SLC1A2: variants seen among roughly 807,000 people sequenced by gnomAD.
The protein encoded by SLC1A2 is excitatory amino acid transporter 2.
A neutral mutation model predicts 48.8 loss-of-function variants in SLC1A2; 15 were observed. The observed-to-expected ratio is 0.31, with a 90% CI of 0.21 to 0.47. The LOEUF (loss-of-function observed/expected upper bound fraction) is 0.47, where lower values mean the gene tolerates loss of function less well. Among genes scored for constraint, SLC1A2 ranks in the 20% least tolerant of loss-of-function variants. The pLI, the probability that SLC1A2 is intolerant of heterozygous loss-of-function variation, is 0.99. For synonymous variants in SLC1A2, 279 were observed against 272.6 expected (o/e 1.02, Z -0.23); for missense variants, 502 against 730.5 (o/e 0.69, Z 3.61).
intron 1 of SLC1A2, chr11:35,391,612 G>A (rs1437064336): frequency 6.6e-6 from 1 of 152,236 alleles, no homozygotes; most frequent in African/African-American, 2.4e-5. Flanking sequence ...AACCAGTCTA[G>A]AAGGAAATGG....
At chr11:35,356,557 A>G (rs1193482754) in intron 1 of SLC1A2, among the ~76,000 whole-genome samples, 3 of 152,226 alleles carry the variant, frequency 2.0e-5, no homozygotes, top group Non-Finnish European at 4.4e-5. Flanking sequence ...CCTACTTTTG[A>G]TCAAGAATAT....
intron 1 of SLC1A2, among the ~76,000 whole-genome samples, chr11:35,414,563 A>G (rs1329693036): frequency 6.6e-6 from 1 of 152,194 alleles, no homozygotes; most frequent in Non-Finnish European, 1.5e-5. Context: ...GAGCAAGCTC[A>G]TGATCGTGGT....
intron 5 of SLC1A2, among the ~76,000 whole-genome samples, chr11:35,305,286 C>A (rs999039871): frequency 2.6e-5 from 4 of 152,232 alleles, no homozygotes; most frequent in Non-Finnish European, 5.9e-5. Flanking sequence ...ATAATGATCA[C>A]AGCTCATACG....
intron 8 of SLC1A2, chr11:35,286,475 C>T (rs1232608201): frequency 1.3e-5 from 3 of 236,688 alleles, no homozygotes; most frequent in Admixed American, 5.4e-5. Flanking sequence ...ATTAAATGGG[C>T]AAAGAAATTA....
chr11:35,323,329 G>C (rs1009104985), intron 1 of SLC1A2: 1 of 157,322 alleles, frequency 6.4e-6, no homozygotes, highest in African/African-American at 2.4e-5. Flanking sequence ...TGTGTCAGGG[G>C]AAAAGTATGA....
chr11:35,255,894 C>T lies in SLC1A2; in HGVS notation c.*5000G>A, dbSNP rs1950309134. 1 of 152,116 alleles carries T rather than the reference C, an allele frequency of 6.6e-6. No individual in the cohort carries two copies. The highest frequency in any genetic ancestry group is 1.5e-5 in the Non-Finnish European group (1 of 68,022). The allele number at this position is 152,116 out of a possible 1,614,324, so 9.4% of individuals were successfully genotyped here. ...TTGTAAAACATCAAATGAATAGAGG[C>T]TTGAATTTAATTTCTCCCAAAGGAG... is the stretch of plus-strand genomic sequence containing the variant. On this transcript the variant is annotated 3_prime_UTR_variant, in exon 11 of 11. Coordinates refer to ENST00000278379, the MANE Select transcript of SLC1A2 (RefSeq NM_004171.4).
intron 10 of SLC1A2, among the ~76,000 whole-genome samples, chr11:35,261,298 T>A (rs1950390697): frequency 6.6e-6 from 1 of 152,202 alleles, no homozygotes; most frequent in African/African-American, 2.4e-5. Flanking sequence ...ACAGTGCCCA[T>A]GTGCTACTCC....
chr11:35,285,953 A>G (rs1247499847), intron 8 of SLC1A2: 1 of 152,204 alleles, frequency 6.6e-6, no homozygotes, highest in Non-Finnish European at 1.5e-5. Context: ...GAGTGATAAT[A>G]TTAAAAAGAT....
chr11:35,390,740 A>C (rs748847352), intron 1 of SLC1A2: 2 of 148,574 alleles, frequency 1.3e-5, no homozygotes, highest in Admixed American at 1.4e-4. Context: ...ATCTTGGCTC[A>C]CTGCAACTTC....
intron 1 of SLC1A2, among the ~76,000 whole-genome samples, chr11:35,353,405 G>C (rs942507941): frequency 4.4e-5 from 5 of 113,490 alleles, no homozygotes; most frequent in African/African-American, 1.9e-4. Flanking sequence ...AAGCTTCCCT[G>C]ACCTAACTGA....
intron 10 of SLC1A2, among the ~76,000 whole-genome samples, chr11:35,262,809 A>G (rs541517797): frequency 5.6e-4 from 86 of 152,332 alleles, no homozygotes; most frequent in African/African-American, 2.0e-3. Context: ...TAGTTGATAA[A>G]CCAATAGAGC....
chr11:35,312,656 CT>C (rs1407423797), intron 3 of SLC1A2, among the ~76,000 whole-genome samples: 1 of 152,196 alleles, frequency 6.6e-6, no homozygotes, highest in Non-Finnish European at 1.5e-5. Flanking sequence ...CAAGTTTCTT[CT>C]GTAAAATGGT....
chr11:35,400,537 T>C (rs996888004), intron 1 of SLC1A2, among the ~76,000 whole-genome samples: 2 of 152,214 alleles, frequency 1.3e-5, no homozygotes, highest in Admixed American at 6.5e-5. Context: ...ATCATGCTTG[T>C]GTCTAATTAG....
In SLC1A2 at chr11:35,286,789, A is replaced by G; in HGVS notation, c.1254T>C (p.Val418=). The G allele has an allele frequency of 6.2e-7, 1 of 1,613,742 alleles. No individual in the cohort carries two copies. Among genetic ancestry groups the G allele is most frequent in the Non-Finnish European group, 8.5e-7 (1 of 1,179,744 alleles). The change falls in exon 8 of 11, where the codon GTT becomes GTC. Residue 418 remains valine, a synonymous_variant. Transcript: ENST00000278379. ...TCACAATCTGTCCTCCATCCAGGAC[A>G]ACACCATTCATTTGGGCTATAAAGA... ...AAIFIAQMNG[V]VLDGGQIVTV... is the part of the protein sequence containing the mutation.
At chr11:35,346,645 C>T (rs962838812) in intron 1 of SLC1A2, among the ~76,000 whole-genome samples, 1 of 152,224 alleles carries the variant, frequency 6.6e-6, no homozygotes, top group African/African-American at 2.4e-5. Context: ...TTAGAGGAGG[C>T]AGTCAATAAC....
chr11:35,264,131 A>G (rs143323066), intron 10 of SLC1A2: 5 of 152,288 alleles, frequency 3.3e-5, no homozygotes, highest in African/African-American at 1.2e-4. Flanking sequence ...TTGCCTCTTG[A>G]TGGGTGGTTT....
At chr11:35,351,556 G>A (rs1186076438) in intron 1 of SLC1A2, among the ~76,000 whole-genome samples, 1 of 152,198 alleles carries the variant, frequency 6.6e-6, no homozygotes, top group African/African-American at 2.4e-5. Context: ...GTATGATTGG[G>A]AGTATATTGT....
chr11:35,393,216 G>C (rs572895397), intron 1 of SLC1A2, among the ~76,000 whole-genome samples: 1 of 152,146 alleles, frequency 6.6e-6, no homozygotes, highest in Non-Finnish European at 1.5e-5. Context: ...CCAGGGTCTC[G>C]GGCTGCTGGC....
At chr11:35,318,278 T>G (rs1851947068) in intron 1 of SLC1A2, among the ~76,000 whole-genome samples, 1 of 152,202 alleles carries the variant, frequency 6.6e-6, no homozygotes. Context: ...AAGGAGCCCT[T>G]GCTGGGGTAA....
Sources: allele counts gnomAD v4.1 joint callset (sites outside exome capture counted in the v4.1 genomes callset), GRCh38; gene constraint gnomAD v4.1.1; transcripts MANE v1.5; gene names NCBI Gene and HGNC (gene_info 2026-07-23, HGNC 2026-07-21).